Variants in FARSB observed in about 807,000 individuals in gnomAD.
FARSB encodes the protein phenylalanyl-tRNA synthetase subunit beta, also known as phenylalanine--tRNA ligase beta subunit.
FARSB carries 40 observed loss-of-function variants against 69.6 expected under a neutral mutation model. The observed-to-expected ratio is 0.57, with a 90% CI of 0.45 to 0.75. The LOEUF (loss-of-function observed/expected upper bound fraction) is 0.75. Among genes scored for constraint, FARSB ranks in the 30% least tolerant of loss-of-function variants. The pLI is 0.00. For synonymous variants in FARSB, 235 were observed against 247.2 expected (o/e 0.95, Z 0.46); for missense variants, 632 against 722.9 (o/e 0.87, Z 1.44).
intron 16 of FARSB, among the ~76,000 whole-genome samples, chr2:222,587,927 G>C (rs1690162323): frequency 6.6e-6 from 1 of 152,116 alleles, no homozygotes; most frequent in African/African-American, 2.4e-5. Flanking sequence ...TCTATCAGAG[G>C]TACAAAGAGG....
At chr2:222,615,768 A>T (rs1690980678) in intron 14 of FARSB, among the ~76,000 whole-genome samples, 1 of 152,212 alleles carries the variant, frequency 6.6e-6, no homozygotes, top group Non-Finnish European at 1.5e-5. Context: ...TGAAAAAGAG[A>T]ACGTCTTTCC....
At chr2:222,625,548 A>T (rs1691247322) in intron 10 of FARSB, among the ~76,000 whole-genome samples, 1 of 152,242 alleles carries the variant, frequency 6.6e-6, no homozygotes, top group African/African-American at 2.4e-5. Context: ...GGCTGACTGC[A>T]GGTCTTGATA....
chr2:222,574,231 T>G (rs1689783007), intron 16 of FARSB, among the ~76,000 whole-genome samples: 1 of 152,190 alleles, frequency 6.6e-6, no homozygotes, highest in Non-Finnish European at 1.5e-5. Flanking sequence ...GAAGTTGGGA[T>G]CAAACTTTGC....
intron 16 of FARSB, among the ~76,000 whole-genome samples, chr2:222,587,011 T>C (rs1690132582): frequency 6.6e-6 from 1 of 152,234 alleles, no homozygotes; most frequent in African/African-American, 2.4e-5. Flanking sequence ...GTGGACCTAA[T>C]AGACATCTGC....
chr2:222,597,505 G>A (rs1574921209), intron 16 of FARSB, among the ~76,000 whole-genome samples: 1 of 151,902 alleles, frequency 6.6e-6, no homozygotes, highest in South Asian at 2.1e-4. Context: ...TAGATACTAA[G>A]TATTATATTC....
At chr2:222,647,400 ATGCAGT>A (rs1559217915) in intron 2 of FARSB, among the ~76,000 whole-genome samples, 8 of 152,306 alleles carry the variant, frequency 5.3e-5, no homozygotes, top group African/African-American at 1.4e-4. Context: ...AAGACCCACT[ATGCAGT>A]GGATTCCTCC....
intron 1 of FARSB, among the ~76,000 whole-genome samples, chr2:222,649,559 G>C (rs1345951891): frequency 1.3e-5 from 2 of 152,216 alleles, no homozygotes; most frequent in Non-Finnish European, 2.9e-5. Flanking sequence ...TATTAGATCT[G>C]AGAGTTTGGC....
At chr2:222,613,746 A>G in intron 15 of FARSB, 65 bp downstream of exon 15, 1 of 1,038,638 alleles carries the variant, frequency 9.6e-7, no homozygotes, top group Non-Finnish European at 1.5e-6. Context: ...ATGTATAGTT[A>G]AGGTTTTCAT....
intron 15 of FARSB, among the ~76,000 whole-genome samples, chr2:222,602,505 T>C (rs1387808163): frequency 6.6e-6 from 1 of 151,572 alleles, no homozygotes; most frequent in Non-Finnish European, 1.5e-5. Context: ...TACAGATGAG[T>C]GGAACAGAAC....
intron 7 of FARSB, among the ~76,000 whole-genome samples, chr2:222,632,087 T>C (rs570372614): frequency 2.0e-5 from 3 of 151,826 alleles, no homozygotes; most frequent in South Asian, 2.1e-4. Context: ...GAGTGTGCCA[T>C]TGCACTCCAG....
chr2:222,586,018 C>T (rs1690103526), intron 16 of FARSB, among the ~76,000 whole-genome samples: 1 of 152,086 alleles, frequency 6.6e-6, no homozygotes. Flanking sequence ...GAGAACCCCA[C>T]AAAGGTACTC....
At chr2:222,600,767 A>T (rs143929152) in intron 15 of FARSB, among the ~76,000 whole-genome samples, 33 of 152,356 alleles carry the variant, frequency 2.2e-4, no homozygotes, top group African/African-American at 7.2e-4. Context: ...AGTTAGGCTA[A>T]CAATTACCCT....
intron 2 of FARSB, among the ~76,000 whole-genome samples, chr2:222,647,546 AC>A (rs1301404636): frequency 1.3e-5 from 2 of 152,140 alleles, no homozygotes; most frequent in African/African-American, 4.8e-5. Context: ...GCATATTAGA[AC>A]TTATTAGCTG....
intron 10 of FARSB, among the ~76,000 whole-genome samples, chr2:222,627,025 G>C (rs1559208808): frequency 1.3e-5 from 2 of 152,074 alleles, no homozygotes; most frequent in African/African-American, 2.4e-5. Context: ...GACAGAGGGA[G>C]ACTCCATCTC....
chr2:222,621,016 A>T (rs1463200563), intron 13 of FARSB, among the ~76,000 whole-genome samples: 3 of 152,196 alleles, frequency 2.0e-5, no homozygotes, highest in Admixed American at 2.0e-4. Context: ...CACACTGGGG[A>T]TAAGCGTTTT....
chr2:222,619,627 C>T lies in FARSB; in HGVS notation c.1344+18G>A. On this transcript the variant is annotated intron_variant, in intron 14 of 16. Coordinates refer to ENST00000281828, the MANE Select transcript of FARSB (RefSeq NM_005687.5). ...CTCTAGGTTTTTACATGAATTCTCA[C>T]CTACTTAAAATTCTTACCTGAAATT... 2.3e-6 allele frequency: 3 copies of T among 1,318,090 alleles called. No homozygotes were observed. In the South Asian group the frequency reaches 3.6e-5, roughly 16 times the overall value. The allele number at this position is 1,318,090 out of a possible 1,614,324, so 81.6% of individuals were successfully genotyped here.
At chr2:222,592,362 C>G (rs1690296649) in intron 16 of FARSB, among the ~76,000 whole-genome samples, 1 of 152,114 alleles carries the variant, frequency 6.6e-6, no homozygotes, top group Non-Finnish European at 1.5e-5. Flanking sequence ...AGAGCGTTGA[C>G]AGTTTATCAG....
At chr2:222,655,959 G>A (rs1338628166) in intron 1 of FARSB, 57 bp downstream of exon 1, 16 of 1,367,350 alleles carry the variant, frequency 1.2e-5, no homozygotes, top group Non-Finnish European at 1.5e-5. Flanking sequence ...CCCTTTTGGA[G>A]GGAGGCCCTG....
At chr2:222,599,887 T>TGACA in intron 16 of FARSB, 41 bp downstream of exon 16, 3 of 1,493,014 alleles carry the variant, frequency 2.0e-6, no homozygotes, top group Non-Finnish European at 2.7e-6. Context: ...AGCCTCTTCC[T>TGACA]GACACTGTCA....
Sources: allele counts gnomAD v4.1 joint callset (sites outside exome capture counted in the v4.1 genomes callset), GRCh38; gene constraint gnomAD v4.1.1; transcripts MANE v1.5; gene names NCBI Gene and HGNC (gene_info 2026-07-23, HGNC 2026-07-21).